FNBP1L: variants seen among roughly 807,000 people sequenced by gnomAD.
FNBP1L encodes formin-binding protein 1-like.
FNBP1L carries 36 observed loss-of-function variants against 91.2 expected under a neutral mutation model. That is an observed-to-expected ratio of 0.39 (90% CI 0.30 to 0.52). The LOEUF is 0.52. Ranked by LOEUF, FNBP1L falls within the 20% of genes least tolerant of loss-of-function variation. The pLI is 0.66. For synonymous variants in FNBP1L, 242 were observed against 237.0 expected (o/e 1.02, Z -0.19); for missense variants, 571 against 732.1 (o/e 0.78, Z 2.54).
intron 11 of FNBP1L, 39 bp from the exon 12 acceptor site, chr1:93,544,068 C>G (rs532296475): frequency 1.4e-6 from 2 of 1,426,158 alleles, no homozygotes; most frequent in Non-Finnish European, 1.9e-6. Flanking sequence ...TAAAATTTCC[C>G]GAAAATGTCT....
intron 1 of FNBP1L, among the ~76,000 whole-genome samples, chr1:93,472,632 GA>G (rs1413816651): frequency 6.6e-6 from 1 of 151,648 alleles, no homozygotes; most frequent in East Asian, 1.9e-4. Flanking sequence ...CTAACACAGT[GA>G]AACCCCGTCT....
At chr1:93,502,396 A>G (rs919161777) in intron 2 of FNBP1L, among the ~76,000 whole-genome samples, 6 of 152,188 alleles carry the variant, frequency 3.9e-5, no homozygotes, top group Non-Finnish European at 7.4e-5. Context: ...AAAATTGATA[A>G]TTTATAAGAT....
chr1:93,510,999 G>A (rs567772083), intron 2 of FNBP1L, among the ~76,000 whole-genome samples: 6 of 152,222 alleles, frequency 3.9e-5, no homozygotes, highest in East Asian at 1.9e-4. Flanking sequence ...TGAAAGTGAC[G>A]GGGAGAATGG....
intron 2 of FNBP1L, among the ~76,000 whole-genome samples, chr1:93,516,805 T>G (rs1671137504): frequency 6.6e-6 from 1 of 152,172 alleles, no homozygotes; most frequent in South Asian, 2.1e-4. Context: ...GTTCATGAGT[T>G]TGTGCTTCAA....
chr1:93,479,846 C>T (rs765301369), intron 1 of FNBP1L, among the ~76,000 whole-genome samples: 2 of 152,118 alleles, frequency 1.3e-5, no homozygotes, highest in Non-Finnish European at 2.9e-5. Context: ...TTCAAACACA[C>T]GTTTTACAAT....
intron 11 of FNBP1L, among the ~76,000 whole-genome samples, chr1:93,541,740 A>T (rs1477419519): frequency 6.6e-6 from 1 of 152,162 alleles, no homozygotes; most frequent in Non-Finnish European, 1.5e-5. Context: ...ACATTGTTGG[A>T]ATCAGCCTTT....
intron 1 of FNBP1L, among the ~76,000 whole-genome samples, chr1:93,469,025 C>A (rs1394769447): frequency 6.6e-6 from 1 of 151,802 alleles, no homozygotes; most frequent in Non-Finnish European, 1.5e-5. Context: ...AGCATCTTTT[C>A]TTGTGCTTAT....
intron 14 of FNBP1L, among the ~76,000 whole-genome samples, chr1:93,548,034 C>T (rs1201284246): frequency 6.6e-6 from 1 of 152,078 alleles, no homozygotes; most frequent in Non-Finnish European, 1.5e-5. Context: ...TTAATGCTCC[C>T]TAAGTCTCAA....
At chr1:93,505,275 A>T (rs1388939523) in intron 2 of FNBP1L, among the ~76,000 whole-genome samples, 3 of 152,114 alleles carry the variant, frequency 2.0e-5, no homozygotes, top group Non-Finnish European at 4.4e-5. Flanking sequence ...AAATTTATTT[A>T]GTAAGGCCAT....
intron 2 of FNBP1L, among the ~76,000 whole-genome samples, chr1:93,511,544 C>G (rs910840640): frequency 6.6e-6 from 1 of 152,180 alleles, no homozygotes; most frequent in Non-Finnish European, 1.5e-5. Context: ...GAAACTGCAT[C>G]AACTAATGAG....
intron 1 of FNBP1L, among the ~76,000 whole-genome samples, chr1:93,450,459 AAT>A (rs1668456763): frequency 6.6e-6 from 1 of 152,240 alleles, no homozygotes; most frequent in African/African-American, 2.4e-5. Flanking sequence ...AGAGTGAACT[AAT>A]ATCAACTTGG....
At chr1:93,518,558 A>C (rs773954668) in intron 2 of FNBP1L, among the ~76,000 whole-genome samples, 1 of 152,230 alleles carries the variant, frequency 6.6e-6, no homozygotes, top group Non-Finnish European at 1.5e-5. Flanking sequence ...TAAATTCTAG[A>C]TGGATGGTAG....
intron 2 of FNBP1L, among the ~76,000 whole-genome samples, chr1:93,502,807 G>A (rs538332522): frequency 3.9e-5 from 6 of 152,282 alleles, no homozygotes; most frequent in African/African-American, 1.4e-4. Context: ...CAGAATTATT[G>A]GAGTGTTGAA....
chr1:93,546,828 C>A lies in FNBP1L; in HGVS notation c.1275-14C>A. 1.9e-6 allele frequency: 3 copies of A among 1,610,404 alleles called. No homozygotes were observed. The highest frequency in any genetic ancestry group is 2.2e-5 in the East Asian group (1 of 44,776). On this transcript the variant is annotated splice_polypyrimidine_tract_variant and intron_variant, in intron 12 of 16. Coordinates refer to ENST00000271234, the MANE Select transcript of FNBP1L (RefSeq NM_001164473.3). ...AAGTTAATATTTAATTCTGGGGTTC[C>A]TTCTCTTTTTTAGAGATGCACTCAA...
At position 93,479,850 on chromosome 1, in the gene FNBP1L, TTACAATCAGTTTG is replaced by T. The variant is rs1240990625; in HGVS notation, c.25-19611_25-19599del. Among the ~76,000 whole-genome samples, 7 of 152,298 alleles carry T rather than the reference TTACAATCAGTTTG, an allele frequency of 4.6e-5. No homozygotes were observed. The South Asian group carries it at 1.5e-3, about 32-fold the overall frequency. On this transcript the variant is annotated intron_variant, in intron 1 of 16. Coordinates refer to ENST00000271234, the MANE Select transcript of FNBP1L (RefSeq NM_001164473.3). The stretch of plus-strand genomic sequence containing the variant: ...ATTTCATATTGTTCAAACACACGTT[TTACAATCAGTTTG>T]TACAATAGTGGTCCTGAGGTGACGT...
At chr1:93,465,308 C>A (rs1288118488) in intron 1 of FNBP1L, among the ~76,000 whole-genome samples, 2 of 151,954 alleles carry the variant, frequency 1.3e-5, no homozygotes, top group African/African-American at 4.8e-5. Context: ...CACCTATCAA[C>A]CCATCATATA....
chr1:93,546,826 T>G lies in FNBP1L; in HGVS notation c.1275-16T>G. 2 of 1,610,468 alleles carry G rather than the reference T, an allele frequency of 1.2e-6. No individual in the cohort carries two copies. The highest frequency in any genetic ancestry group is 1.7e-6 in the Non-Finnish European group (2 of 1,178,310). ...TGAAGTTAATATTTAATTCTGGGGTTCCTTCTCTTTTTTAGAGATGCACTC... is the reference window on the plus strand; with the variant it reads ...TGAAGTTAATATTTAATTCTGGGGTGCCTTCTCTTTTTTAGAGATGCACTC... On this transcript the variant is annotated splice_polypyrimidine_tract_variant and intron_variant, in intron 12 of 16. Coordinates refer to ENST00000271234, the MANE Select transcript of FNBP1L (RefSeq NM_001164473.3).
chr1:93,449,921 A>G (rs1161929632), intron 1 of FNBP1L, among the ~76,000 whole-genome samples: 1 of 152,080 alleles, frequency 6.6e-6, no homozygotes, highest in Non-Finnish European at 1.5e-5. Context: ...TTTCATGCCT[A>G]CCAGAGTGCA....
At chr1:93,501,604 G>A (rs1487695222) in intron 2 of FNBP1L, among the ~76,000 whole-genome samples, 2 of 152,014 alleles carry the variant, frequency 1.3e-5, no homozygotes, top group African/African-American at 4.8e-5. Context: ...CTCCCATTAG[G>A]CCCTATCTCC....
Sources: allele counts gnomAD v4.1 joint callset (sites outside exome capture counted in the v4.1 genomes callset), GRCh38; gene constraint gnomAD v4.1.1; transcripts MANE v1.5; gene names NCBI Gene and HGNC (gene_info 2026-07-23, HGNC 2026-07-21).